YWHAG: variants seen among roughly 807,000 people sequenced by gnomAD.
YWHAG encodes tyrosine 3-monooxygenase/tryptophan 5-monooxygenase activation protein gamma.
A neutral mutation model predicts 23.3 loss-of-function variants in YWHAG; 1 was observed. The ratio of observed to expected loss-of-function variants is 0.04; its 90% CI spans 0.02 to 0.20. The LOEUF (loss-of-function observed/expected upper bound fraction) is 0.20, where lower values mean the gene tolerates loss of function less well. Among genes scored for constraint, YWHAG ranks in the 10% least tolerant of loss-of-function variants. The pLI, the probability that YWHAG is intolerant of heterozygous loss-of-function variation, is 1.00. For missense variants in YWHAG, 151 were observed against 338.6 expected (o/e 0.45, Z 4.35); for synonymous variants, 160 against 144.0 (o/e 1.11, Z -0.80).
chr7:76,356,845 C>T (rs1803968859), intron 1 of YWHAG, among the ~76,000 whole-genome samples: 1 of 152,152 alleles, frequency 6.6e-6, no homozygotes, highest in Non-Finnish European at 1.5e-5. Context: ...GACTAATTCT[C>T]ATCTAGTGGA....
rs750620902 is a variant in YWHAG at position 76,354,058 on chromosome 7, C to CAAAA, written c.87+4660_87+4663dup. Among the ~76,000 whole-genome samples, 26 of 49,088 alleles carry CAAAA rather than the reference C, an allele frequency of 5.3e-4. 2 individuals are homozygous for CAAAA. Among genetic ancestry groups the CAAAA allele is most frequent in the South Asian group, 1.4e-3 (2 of 1,416 alleles). 32.2% of individuals were successfully genotyped at this position (49,088 alleles called of 152,430 possible). A position where few individuals can be genotyped will look rare whatever the true frequency, so the allele number is the denominator to read the frequency against. ...TGGGTGACAGAGTGAGACCTTGCCT[C>CAAAA]AAAAAAAAAAAAAACAAAAAACAAG... is the stretch of plus-strand genomic sequence containing the variant. On this transcript the variant is annotated intron_variant, in intron 1 of 1. Transcript: ENST00000307630.
chr7:76,341,766 T>A (rs1360247417), intron 1 of YWHAG, among the ~76,000 whole-genome samples: 2 of 152,104 alleles, frequency 1.3e-5, no homozygotes, highest in Non-Finnish European at 2.9e-5. Context: ...TGACTGCCAA[T>A]ATGGGGTTTC....
At chr7:76,346,863 T>G (rs1183753165) in intron 1 of YWHAG, among the ~76,000 whole-genome samples, 1 of 152,098 alleles carries the variant, frequency 6.6e-6, no homozygotes, top group Non-Finnish European at 1.5e-5. Flanking sequence ...GTGAACTGTT[T>G]CCTGTTAACC....
chr7:76,355,028 T>TC (rs1045747050), intron 1 of YWHAG, among the ~76,000 whole-genome samples: 4 of 152,214 alleles, frequency 2.6e-5, no homozygotes, highest in African/African-American at 9.6e-5. Context: ...TTGTGGGCAC[T>TC]CCATTATCGA....
rs1803485137 is a variant in YWHAG, at chr7:76,328,386, G to A, written c.*1191C>T. ...TCCTACAATTACTTGGGGAAGGAGT[G>A]TCTTCGGGGAGGAAAAACTGACACA... On this transcript the variant is annotated 3_prime_UTR_variant, in exon 2 of 2. Coordinates refer to ENST00000307630, the MANE Select transcript of YWHAG (RefSeq NM_012479.4). The A allele has an allele frequency of 6.6e-6, 1 of 152,202 alleles. No individual in the cohort carries two copies. The highest frequency in any genetic ancestry group is 1.5e-5 in the Non-Finnish European group (1 of 68,046). The allele number at this position is 152,202 out of a possible 1,614,324, so 9.4% of individuals were successfully genotyped here. A position where few individuals can be genotyped will look rare whatever the true frequency, so the allele number is the denominator to read the frequency against.
chr7:76,348,876 GA>G (rs76337176), intron 1 of YWHAG, among the ~76,000 whole-genome samples: 97,742 of 150,988 alleles, frequency 0.65, 33,293 homozygotes, highest in East Asian at 0.94. Context: ...CTTAGACTTT[GA>G]AAAAAAAAAT....
intron 1 of YWHAG, among the ~76,000 whole-genome samples, chr7:76,349,412 T>A (rs1400329182): frequency 7.2e-6 from 1 of 139,200 alleles, no homozygotes; most frequent in Non-Finnish European, 1.5e-5. Context: ...GGTCATCATT[T>A]ATTAATACAC....
intron 1 of YWHAG, among the ~76,000 whole-genome samples, chr7:76,332,003 G>C (rs1803549096): frequency 6.6e-6 from 1 of 152,146 alleles, no homozygotes; most frequent in South Asian, 2.1e-4. Flanking sequence ...CTGAATGAAT[G>C]ATCAGCAAGT....
chr7:76,338,340 G>A (rs1199034053), intron 1 of YWHAG, among the ~76,000 whole-genome samples: 3 of 152,172 alleles, frequency 2.0e-5, no homozygotes, highest in Admixed American at 6.6e-5. Context: ...CCTCAGAGTC[G>A]TGAAATTTCT....
At chr7:76,338,008 A>G (rs1381132804) in intron 1 of YWHAG, among the ~76,000 whole-genome samples, 1 of 152,104 alleles carries the variant, frequency 6.6e-6, no homozygotes, top group East Asian at 1.9e-4. Context: ...ACCAGGGAAA[A>G]GATGATTAAT....
chr7:76,330,177 G>T lies in YWHAG; in HGVS notation c.144C>A (p.Ala48=). 1 of 1,611,086 alleles carries T rather than the reference G, an allele frequency of 6.2e-7. No homozygotes were observed. The highest frequency in any genetic ancestry group is 8.5e-7 in the Non-Finnish European group (1 of 1,179,064). ...GGCGTGCCCCCACAACGTTCTTGTA[G>T]GCCACAGACAGAAGGTTTCGTTCCT... is the stretch of plus-strand genomic sequence containing the variant. ...SNEERNLLSV[A]YKNVVGARRS... Residue 48 remains alanine, a synonymous_variant, in exon 2 of 2, where the codon GCC becomes GCA. Coordinates refer to ENST00000307630, the MANE Select transcript of YWHAG (RefSeq NM_012479.4).
intron 1 of YWHAG, among the ~76,000 whole-genome samples, chr7:76,342,251 A>C (rs73357724): frequency 0.017 from 2,656 of 152,322 alleles, 80 homozygotes; most frequent in African/African-American, 0.061. Flanking sequence ...TGCCATGGGT[A>C]TCTGTCATTA....
At chr7:76,331,524 T>C (rs1803541528) in intron 1 of YWHAG, among the ~76,000 whole-genome samples, 1 of 151,882 alleles carries the variant, frequency 6.6e-6, no homozygotes, top group Non-Finnish European at 1.5e-5. Flanking sequence ...TAAACTCTAT[T>C]AAAACACTGA....
Position 76,358,787 on chromosome 7 carries a change from C to T in YWHAG, c.22G>A (p.Val8Met). 6.3e-7 allele frequency: 1 copy of T among 1,596,556 alleles called. No individual in the cohort carries two copies. Among genetic ancestry groups the T allele is most frequent in the Non-Finnish European group, 8.5e-7 (1 of 1,172,866 alleles). MVDREQL[V>M]QKARLAEQAE... is the part of the protein sequence containing the mutation. ...TGCTCGGCCAGCCGGGCTTTCTGCA[C>T]CAGTTGCTCGCGGTCCACCATCTTC... The change falls in exon 1 of 2, where the codon GTG (valine) becomes ATG (methionine). Residue 8 changes from valine (V) to methionine (M), a missense_variant. Transcript: ENST00000307630.
intron 1 of YWHAG, among the ~76,000 whole-genome samples, chr7:76,351,272 T>C (rs996320457): frequency 2.6e-5 from 4 of 152,150 alleles, no homozygotes; most frequent in Admixed American, 2.6e-4. Flanking sequence ...ATCCAAGATA[T>C]TCTAGAATAT....
At chr7:76,345,315 A>G (rs1347461903) in intron 1 of YWHAG, among the ~76,000 whole-genome samples, 1 of 151,320 alleles carries the variant, frequency 6.6e-6, no homozygotes, top group African/African-American at 2.4e-5. Context: ...TCCCCCGAGC[A>G]GCTGGGACTA....
chr7:76,327,525 T>C lies in YWHAG; in HGVS notation c.*2052A>G, dbSNP rs1803462665. 1 of 152,618 alleles carries C rather than the reference T, an allele frequency of 6.6e-6. No homozygotes were observed. The allele number at this position is 152,618 out of a possible 1,614,324, so 9.5% of individuals were successfully genotyped here. On this transcript the variant is annotated 3_prime_UTR_variant, in exon 2 of 2. Coordinates refer to ENST00000307630, the MANE Select transcript of YWHAG (RefSeq NM_012479.4). The stretch of plus-strand genomic sequence containing the variant: ...GTGTGATTTTTATCTTGCATTATTC[T>C]AAAAAGCAGCCAGAGCCAAAGCTGA...
At chr7:76,354,079 ACAAG>A (rs1333844621) in intron 1 of YWHAG, among the ~76,000 whole-genome samples, 2 of 149,292 alleles carry the variant, frequency 1.3e-5, no homozygotes, top group African/African-American at 5.0e-5. Flanking sequence ...AAAACAAAAA[ACAAG>A]CAATCAAACG....
rs376498772 is a variant in YWHAG at position 76,340,734 on chromosome 7, C to T, written c.88-10501G>A. Among the ~76,000 whole-genome samples the T allele has an allele frequency of 4.2e-4, 64 of 152,342 alleles. No homozygotes were observed. The East Asian group carries it at 7.1e-3, about 17-fold the overall frequency. ...AATCTCTCCTCAAGCAGCCCTACCC[C>T]TTGCCAGTTCAGATGGGAACCATGC... On this transcript the variant is annotated intron_variant, in intron 1 of 1. Coordinates refer to ENST00000307630, the MANE Select transcript of YWHAG (RefSeq NM_012479.4).
Sources: gnomAD v4.1 joint callset for allele counts (sites outside exome capture counted in the v4.1 genomes callset) on GRCh38, gnomAD v4.1.1 for gene constraint, MANE v1.5 for transcripts, NCBI Gene and HGNC (gene_info 2026-07-23, HGNC 2026-07-21) for gene names.